The following CWF19L2 variants were observed in gnomAD, a reference collection of about 807,000 sequenced individuals.
CWF19L2 encodes CWF19-like protein 2.
CWF19L2 carries 98 observed loss-of-function variants against 111.7 expected under a neutral mutation model. The observed-to-expected ratio is 0.88, with a 90% CI of 0.75 to 1.04. The LOEUF is 1.04. CWF19L2 is among the 50% of genes least tolerant of loss of function. The pLI is 0.00. For missense variants in CWF19L2, 1,101 were observed against 1,051.4 expected, an observed-to-expected ratio of 1.05 and a Z score of -0.65; for synonymous variants, 351 against 342.9, an observed-to-expected ratio of 1.02 and a Z score of -0.26.
chr11:107,449,513 AAT>A (rs1434865113), intron 3 of CWF19L2, among the ~76,000 whole-genome samples: 1 of 152,170 alleles, frequency 6.6e-6, no homozygotes, highest in East Asian at 1.9e-4. Flanking sequence ...TGACATTAAA[AAT>A]TATAAACAAT....
intron 6 of CWF19L2, among the ~76,000 whole-genome samples, chr11:107,435,284 C>T (rs999366631): frequency 2.0e-4 from 30 of 152,012 alleles, no homozygotes; most frequent in Non-Finnish European, 4.4e-4. Context: ...TTATATAGTT[C>T]ATGAGTTCAA....
At chr11:107,439,316 C>A in intron 5 of CWF19L2, 133 bp from the exon 6 acceptor site, 2 of 612,794 alleles carry the variant, frequency 3.3e-6, no homozygotes, top group Non-Finnish European at 2.8e-6. Flanking sequence ...TTAAGATATG[C>A]TGTTCTGTAA....
At chr11:107,426,264 A>G (rs1333434268) in intron 8 of CWF19L2, among the ~76,000 whole-genome samples, 2 of 151,910 alleles carry the variant, frequency 1.3e-5, no homozygotes, top group Non-Finnish European at 2.9e-5. Flanking sequence ...AACTTCACTC[A>G]TATTTAAAAA....
At chr11:107,345,658 TTTCC>T (rs1302921898) in intron 14 of CWF19L2, among the ~76,000 whole-genome samples, 1 of 152,146 alleles carries the variant, frequency 6.6e-6, no homozygotes, top group African/African-American at 2.4e-5. Flanking sequence ...CTCCTCTCTC[TTTCC>T]CTCTCTCTAT....
At chr11:107,441,474 A>C (rs756800851) in intron 5 of CWF19L2, 29 bp downstream of exon 5, 42 of 1,476,358 alleles carry the variant, frequency 2.8e-5, no homozygotes, top group Non-Finnish European at 3.3e-5. Context: ...GTAAATTAGA[A>C]AGTTAAAGCA....
intron 12 of CWF19L2, among the ~76,000 whole-genome samples, chr11:107,354,772 C>T (rs146398868): frequency 3.7e-4 from 56 of 152,346 alleles, no homozygotes; most frequent in Middle Eastern, 3.4e-3. Flanking sequence ...GCTGCATTGG[C>T]ACATGACTGC....
intron 10 of CWF19L2, among the ~76,000 whole-genome samples, chr11:107,410,868 A>C (rs923954928): frequency 6.6e-6 from 1 of 152,146 alleles, no homozygotes; most frequent in Non-Finnish European, 1.5e-5. Flanking sequence ...AACTGACTTT[A>C]CATTAAACAA....
intron 12 of CWF19L2, among the ~76,000 whole-genome samples, chr11:107,358,343 T>TTA (rs1491101234): frequency 8.4e-5 from 11 of 131,602 alleles, no homozygotes; most frequent in African/African-American, 3.0e-4. Context: ...ACTGATGAGC[T>TTA]AAAAAAAAAA....
intron 12 of CWF19L2, among the ~76,000 whole-genome samples, chr11:107,361,867 G>A (rs577551900): frequency 2.0e-5 from 3 of 152,226 alleles, no homozygotes; most frequent in Non-Finnish European, 2.9e-5. Flanking sequence ...CTCCAAGCGT[G>A]AGAGACGCAG....
chr11:107,412,934 T>C (rs1861177846), intron 10 of CWF19L2, among the ~76,000 whole-genome samples: 1 of 152,156 alleles, frequency 6.6e-6, no homozygotes, highest in African/African-American at 2.4e-5. Flanking sequence ...GGCAAAACTA[T>C]GGAGACTAAA....
chr11:107,359,828 T>C (rs1057146388), intron 12 of CWF19L2, among the ~76,000 whole-genome samples: 1 of 152,054 alleles, frequency 6.6e-6, no homozygotes, highest in Admixed American at 6.5e-5. Context: ...GAACTTGAAG[T>C]TGAGACTGCT....
chr11:107,391,509 C>A (rs1261504121), intron 11 of CWF19L2, among the ~76,000 whole-genome samples: 2 of 152,212 alleles, frequency 1.3e-5, no homozygotes, highest in African/African-American at 4.8e-5. Flanking sequence ...AAGAGACCAA[C>A]TTCTAATTAT....
Position 107,336,646 on chromosome 11 carries a change from T to C in CWF19L2, c.2270A>G (p.Asn757Ser). ...KGLDCIFLET[N>S]MSMKKQYHMV... ...GTGATACTGTTTCTTCATGCTCATA[T>C]TAGTTTCCAAAAAAATGCAGTCTAA... The change falls in exon 15 of 18, where the codon AAT becomes AGT. Residue 757 changes from asparagine (N) to serine (S), a missense_variant. Transcript: ENST00000282251. The C allele has an allele frequency of 2.5e-6, 4 of 1,598,822 alleles. No individual in the cohort carries two copies. Among genetic ancestry groups the C allele is most frequent in the Middle Eastern group, 1.7e-4 (1 of 5,968 alleles).
At chr11:107,396,984 G>A (rs1860932545) in intron 10 of CWF19L2, among the ~76,000 whole-genome samples, 1 of 152,166 alleles carries the variant, frequency 6.6e-6, no homozygotes, top group African/African-American at 2.4e-5. Flanking sequence ...TGAAATACAG[G>A]GGTAGAGGAA....
chr11:107,445,548 G>T (rs1211040246), intron 3 of CWF19L2, among the ~76,000 whole-genome samples: 4 of 151,290 alleles, frequency 2.6e-5, no homozygotes, highest in Non-Finnish European at 5.9e-5. Context: ...GGGTTGTGGT[G>T]AGCCAAGATC....
intron 6 of CWF19L2, among the ~76,000 whole-genome samples, chr11:107,436,759 A>G (rs1861546636): frequency 6.6e-6 from 1 of 152,224 alleles, no homozygotes; most frequent in South Asian, 2.1e-4. Flanking sequence ...TAAAGAATCT[A>G]GAGTAACTAA....
In CWF19L2 at chr11:107,375,255, T is replaced by A. The variant is rs1314533870; in HGVS notation, c.1872+14819A>T. The stretch of plus-strand genomic sequence containing the variant: ...AGGATACCCAGGAATTGAACTCAGC[T>A]CTGCACCAAGCGGACCTAATATACA... On this transcript the variant is annotated intron_variant, in intron 12 of 17. Transcript: ENST00000282251. 3.0e-5 allele frequency among the ~76,000 whole-genome samples: 4 copies of A among 133,916 alleles called. 1 individual carries two copies. The highest frequency in any genetic ancestry group is 6.4e-5 in the Non-Finnish European group (4 of 62,872). The allele number at this position is 133,916 out of a possible 152,430, so 87.9% of individuals were successfully genotyped here.
chr11:107,433,968 G>A (rs1861505133), intron 6 of CWF19L2, among the ~76,000 whole-genome samples: 2 of 139,658 alleles, frequency 1.4e-5, no homozygotes, highest in Non-Finnish European at 3.1e-5. Context: ...TAGAAAGAAG[G>A]AAAAGAAAAA....
chr11:107,346,821 A>G (rs1433267956), intron 14 of CWF19L2, among the ~76,000 whole-genome samples: 2 of 152,286 alleles, frequency 1.3e-5, no homozygotes, highest in South Asian at 4.1e-4. Flanking sequence ...TTCTTCCCCC[A>G]TTCAGCTCCC....
Sources: gnomAD v4.1 joint callset for allele counts (sites outside exome capture counted in the v4.1 genomes callset) on GRCh38, gnomAD v4.1.1 for gene constraint, MANE v1.5 for transcripts, NCBI Gene and HGNC (gene_info 2026-07-23, HGNC 2026-07-21) for gene names.